The following ZFP62 variants were observed in gnomAD, a reference collection of about 807,000 sequenced individuals.
ZFP62 encodes zinc finger protein 62 homolog.
ZFP62 carries 44 observed loss-of-function variants against 56.4 expected under a neutral mutation model. That is an observed-to-expected ratio of 0.78 (90% CI 0.61 to 1.00). The LOEUF (loss-of-function observed/expected upper bound fraction) is 1.00. Ranked by LOEUF, ZFP62 falls within the 50% of genes least tolerant of loss-of-function variation. ZFP62 has a pLI of 0.00. For synonymous variants in ZFP62, 421 were observed against 388.9 expected (o/e 1.08, Z -0.97); for missense variants, 1,030 against 1,085.7 (o/e 0.95, Z 0.72).
Position 180,850,685 on chromosome 5 carries a change from G to A in ZFP62, c.810C>T (p.Val270=). 1.9e-6 allele frequency: 3 copies of A among 1,596,872 alleles called. No homozygotes were observed. Among genetic ancestry groups the A allele is most frequent in the Non-Finnish European group, 2.6e-6 (3 of 1,171,630 alleles). The part of the protein sequence containing the change: ...KAFRNSSGLR[V]HKRIHTGEKP... The stretch of plus-strand genomic sequence containing the variant: ...TCTCCCCCGTGTGGATCCTTTTGTG[G>A]ACTCTGAGCCCAGAGCTGTTCCTGA... The change falls in exon 2 of 2, where the codon GTC becomes GTT. Residue 270 remains valine (V), a synonymous_variant. Transcript: ENST00000502412.
rs1773485220 is a variant in ZFP62 at position 180,848,177 on chromosome 5, G to A, written c.*615C>T. ...AGTGACTCTCTCCTATCTCCTGTTA[G>A]ACTTGTAAGTCTATGCTTTCTACTT... On this transcript the variant is annotated 3_prime_UTR_variant, in exon 2 of 2. Coordinates refer to ENST00000502412, the MANE Select transcript of ZFP62 (RefSeq NM_001172638.2). The A allele has an allele frequency of 1.0e-6, 1 of 985,200 alleles. No individual in the cohort carries two copies. Among genetic ancestry groups the A allele is most frequent in the African/African-American group, 1.7e-5 (1 of 57,182 alleles). 61.0% of individuals were successfully genotyped at this position (985,200 alleles called of 1,614,324 possible).
In ZFP62 at chr5:180,851,202, G is replaced by A. The variant is rs867443966; in HGVS notation, c.293C>T (p.Pro98Leu). The A allele has an allele frequency of 6.4e-7, 1 of 1,551,588 alleles. No individual in the cohort carries two copies. Among genetic ancestry groups the A allele is most frequent in the African/African-American group, 1.4e-5 (1 of 73,110 alleles). ...CATAGTCTGGTGTGTGATATGCTGTGGGCTCAGATGCAAGCTCTTCTCAGA... is the reference window on the plus strand; with the variant it reads ...CATAGTCTGGTGTGTGATATGCTGTAGGCTCAGATGCAAGCTCTTCTCAGA... The part of the protein sequence containing the change: ...EASEKSLHLS[P>L]QHITHQTMPI... Residue 98 changes from proline (P) to leucine (L), a missense_variant, in exon 2 of 2, where the codon CCA becomes CTA. Coordinates refer to ENST00000502412, the MANE Select transcript of ZFP62 (RefSeq NM_001172638.2).
chr5:180,847,011 A>T (rs1032652587), downstream of ZFP62, among the ~76,000 whole-genome samples: 1 of 152,212 alleles, frequency 6.6e-6, no homozygotes, highest in African/African-American at 2.4e-5. Flanking sequence ...CACCGCAGCC[A>T]TCAAAACTTA....
chr5:180,852,235 T>G (rs1325035416), intron 1 of ZFP62, among the ~76,000 whole-genome samples: 1 of 152,098 alleles, frequency 6.6e-6, no homozygotes, highest in Non-Finnish European at 1.5e-5. Flanking sequence ...TTTAATAGTG[T>G]TGTAACAACT....
chr5:180,847,022 C>A (rs1360726847), downstream of ZFP62, among the ~76,000 whole-genome samples: 1 of 152,180 alleles, frequency 6.6e-6, no homozygotes, highest in Non-Finnish European at 1.5e-5. Flanking sequence ...TCAAAACTTA[C>A]TGGTAGGGGT....
intron 1 of ZFP62, among the ~76,000 whole-genome samples, chr5:180,856,952 C>CAAAAAAAAAAAA (rs758729037): frequency 4.7e-5 from 3 of 63,698 alleles, no homozygotes; most frequent in Non-Finnish European, 8.0e-5. Flanking sequence ...GACTATGTCT[C>CAAAAAAAAAAAA]AAAAAAAAAA....
the ZFP62 span, among the ~76,000 whole-genome samples, chr5:180,836,087 C>T: frequency 4.6e-5 from 7 of 152,216 alleles, no homozygotes; most frequent in African/African-American, 1.4e-4. Context: ...GCAGCCCCGG[C>T]GCATTAGGCC....
downstream of ZFP62, among the ~76,000 whole-genome samples, chr5:180,846,684 C>T (rs1274252309): frequency 2.0e-5 from 3 of 152,210 alleles, no homozygotes; most frequent in Admixed American, 6.5e-5. Context: ...TGGTCCTAGT[C>T]GCTGTCCTCT....
At chr5:180,854,862 A>G (rs1773890022) in intron 1 of ZFP62, among the ~76,000 whole-genome samples, 1 of 152,252 alleles carries the variant, frequency 6.6e-6, no homozygotes, top group Non-Finnish European at 1.5e-5. Context: ...AGATTAAAGA[A>G]GGCTAAAGAG....
At chr5:180,858,712 A>C (rs1449526385) in intron 1 of ZFP62, among the ~76,000 whole-genome samples, 2 of 152,206 alleles carry the variant, frequency 1.3e-5, no homozygotes, top group African/African-American at 4.8e-5. Flanking sequence ...TAATCCAATC[A>C]AGACTGATTT....
intron 1 of ZFP62, 101 bp downstream of exon 1, chr5:180,861,118 C>A: frequency 2.5e-6 from 1 of 398,642 alleles, no homozygotes; most frequent in Non-Finnish European, 4.4e-6. Context: ...CTCCCACATC[C>A]CGCCCGAGAC....
At chr5:180,837,807 T>C in the ZFP62 span, among the ~76,000 whole-genome samples, 1 of 152,062 alleles carries the variant, frequency 6.6e-6, no homozygotes, top group East Asian at 1.9e-4. Flanking sequence ...TCTCCAACAG[T>C]CTCCTTTTCA....
the ZFP62 span, among the ~76,000 whole-genome samples, chr5:180,837,698 C>A: frequency 2.6e-5 from 4 of 152,298 alleles, no homozygotes; most frequent in Admixed American, 2.6e-4. Flanking sequence ...GTTCAACTTA[C>A]TGGAATTTTC....
intron 1 of ZFP62, among the ~76,000 whole-genome samples, chr5:180,855,590 T>C (rs1452100572): frequency 6.6e-6 from 1 of 152,156 alleles, no homozygotes; most frequent in Non-Finnish European, 1.5e-5. Context: ...TCCTCATCTC[T>C]GCCCAGGATC....
chr5:180,856,863 A>G (rs2113711493), intron 1 of ZFP62, among the ~76,000 whole-genome samples: 1 of 149,756 alleles, frequency 6.7e-6, no homozygotes, highest in Middle Eastern at 3.4e-3. Flanking sequence ...CTGAGGCAGG[A>G]GAATGGCATG....
chr5:180,837,685 AGT>A, the ZFP62 span, among the ~76,000 whole-genome samples: 29 of 152,218 alleles, frequency 1.9e-4, no homozygotes, highest in African/African-American at 5.8e-4. Flanking sequence ...ATGATAATTA[AGT>A]GTTCAACTTA....
At chr5:180,845,092 G>A (rs1773382335), downstream of ZFP62, among the ~76,000 whole-genome samples, 1 of 152,092 alleles carries the variant, frequency 6.6e-6, no homozygotes, top group Non-Finnish European at 1.5e-5. Flanking sequence ...AGCACCTTGG[G>A]AGTCTGAGGC....
the ZFP62 span, among the ~76,000 whole-genome samples, chr5:180,839,821 T>C: frequency 6.6e-6 from 1 of 152,218 alleles, no homozygotes; most frequent in Non-Finnish European, 1.5e-5. Context: ...GTTCCAGATC[T>C]GCTTGCCTCC....
At chr5:180,843,929 A>G (rs1773363174), downstream of ZFP62, among the ~76,000 whole-genome samples, 1 of 152,270 alleles carries the variant, frequency 6.6e-6, no homozygotes, top group Admixed American at 6.5e-5. Flanking sequence ...TGTAACAACA[A>G]TAACAAAAAT....
Sources: allele counts gnomAD v4.1 joint callset (sites outside exome capture counted in the v4.1 genomes callset), GRCh38; gene constraint gnomAD v4.1.1; transcripts MANE v1.5; gene names NCBI Gene and HGNC (gene_info 2026-07-23, HGNC 2026-07-21).